The following SYNE1 variants were observed in gnomAD, a reference collection of about 807,000 sequenced individuals.
SYNE1 encodes nesprin-1.
A neutral mutation model predicts 1,111.0 loss-of-function variants in SYNE1; 616 were observed. The ratio of observed to expected loss-of-function variants is 0.55; its 90% CI spans 0.52 to 0.59. The LOEUF is 0.59. Among genes scored for constraint, SYNE1 ranks in the 20% least tolerant of loss-of-function variants. The pLI is 0.00. For synonymous variants in SYNE1, 3,855 were observed against 3,825.8 expected (o/e 1.01, Z -0.28); for missense variants, 10,006 against 10,417.0 (o/e 0.96, Z 1.72).
chr6:152,206,016 A>C, intron 126 of SYNE1, 152 bp downstream of exon 126: 2 of 910,244 alleles, frequency 2.2e-6, no homozygotes, highest in Non-Finnish European at 3.4e-6. Context: ...GTGCAAGATA[A>C]GACAAAGTCT....
rs775434617 is a variant in SYNE1 at position 152,278,151 on chromosome 6, T to C, written c.18511A>G (p.Arg6171Gly). Residue 6171 changes from arginine (R) to glycine (G), a missense_variant, in exon 98 of 146, where the codon AGG becomes GGG. Transcript: ENST00000367255. ...EAEQLAGKLRRLKGSLLELQR... is the reference protein window; with the variant it reads ...EAEQLAGKLRGLKGSLLELQR... ...AGCTCCAGCAGGCTCCCCTTGAGCCTTCTCAGCTTTCCAGCCAGCTGCTCG... is the reference window on the plus strand; with the variant it reads ...AGCTCCAGCAGGCTCCCCTTGAGCCCTCTCAGCTTTCCAGCCAGCTGCTCG... 3 of 1,614,158 alleles carry C rather than the reference T, an allele frequency of 1.9e-6. No individual in the cohort carries two copies. Among genetic ancestry groups the C allele is most frequent in the Non-Finnish European group, 2.5e-6 (3 of 1,180,050 alleles).
intron 102 of SYNE1, 31 bp from the exon 103 acceptor site, chr6:152,255,777 A>G: frequency 6.2e-7 from 1 of 1,613,578 alleles, no homozygotes. Flanking sequence ...TCAAATAATC[A>G]ATTTCAGTGT....
chr6:152,483,271 A>C (rs1429522892), intron 13 of SYNE1, 22 bp from the exon 14 acceptor site: 1 of 1,609,672 alleles, frequency 6.2e-7, no homozygotes, highest in Admixed American at 1.7e-5. Flanking sequence ...AAAGCAGAAA[A>C]GTAAAATATC....
At chr6:152,211,624 TTC>T in intron 123 of SYNE1, 36 bp from the exon 124 acceptor site, 4 of 1,566,970 alleles carry the variant, frequency 2.6e-6, no homozygotes, top group Non-Finnish European at 3.5e-6. Context: ...TACTTTAGAG[TTC>T]CTAATTTTAG....
chr6:152,145,986 C>A (rs1382581426), intron 137 of SYNE1: 1 of 208,778 alleles, frequency 4.8e-6, no homozygotes, highest in African/African-American at 2.6e-5. Context: ...GATTGTGCCA[C>A]TGCACTCCAG....
chr6:152,590,024 C>G (rs1024946863), intron 3 of SYNE1, among the ~76,000 whole-genome samples: 1 of 151,206 alleles, frequency 6.6e-6, no homozygotes, highest in Non-Finnish European at 1.5e-5. Context: ...AACCTCGAAC[C>G]CTAGGCTCAA....
intron 140 of SYNE1, among the ~76,000 whole-genome samples, chr6:152,139,711 GAAAGAA>G (rs2058025682): frequency 2.6e-5 from 1 of 38,742 alleles, no homozygotes; most frequent in Non-Finnish European, 4.6e-5. Flanking sequence ...AAAAAGAAAA[GAAAGAA>G]AAAGAAAGAA....
At chr6:152,262,399 T>C (rs1562595561) in intron 100 of SYNE1, among the ~76,000 whole-genome samples, 1 of 152,198 alleles carries the variant, frequency 6.6e-6, no homozygotes, top group Non-Finnish European at 1.5e-5. Context: ...GCAGAAGGGA[T>C]ACTTAAAAAT....
chr6:152,409,649 A>C lies in SYNE1; in HGVS notation c.6291T>G (p.Ala2097=). ...LMREYQNLKS[A]VSKVLENASS... ...TGGCATTTTCTAAGACTTTAGATACAGCTGATTTCAGGTTCTGATATTCTC... is the reference window on the plus strand; with the variant it reads ...TGGCATTTTCTAAGACTTTAGATACCGCTGATTTCAGGTTCTGATATTCTC... The change falls in exon 43 of 146, where the codon GCT becomes GCG. Residue 2097 remains alanine (A), a synonymous_variant. Transcript: ENST00000367255. 1.9e-6 allele frequency: 3 copies of C among 1,613,890 alleles called. No individual in the cohort carries two copies. The highest frequency in any genetic ancestry group is 1.1e-5 in the South Asian group (1 of 91,076).
intron 10 of SYNE1, among the ~76,000 whole-genome samples, chr6:152,500,983 A>G (rs894031335): frequency 1.3e-5 from 2 of 151,532 alleles, no homozygotes; most frequent in African/African-American, 4.8e-5. Context: ...CATATTTTAC[A>G]TTTTTTGGTT....
chr6:152,177,099 A>C (rs2066649088), intron 129 of SYNE1, among the ~76,000 whole-genome samples: 1 of 152,200 alleles, frequency 6.6e-6, no homozygotes, highest in South Asian at 2.1e-4. Flanking sequence ...TCCTCTATAC[A>C]ATGTCAATAT....
At chr6:152,310,630 G>T (rs2095518259) in intron 88 of SYNE1, 58 bp downstream of exon 88, 9 of 1,608,794 alleles carry the variant, frequency 5.6e-6, no homozygotes, top group South Asian at 4.4e-5. Context: ...TAGTGGCATT[G>T]CCATTTTCTT....
At position 152,233,890 on chromosome 6, in the gene SYNE1, C is replaced by T. The variant is rs757835316; in HGVS notation, c.20603G>A (p.Arg6868Gln). 4 of 1,614,104 alleles carry T rather than the reference C, an allele frequency of 2.5e-6. No individual in the cohort carries two copies. Among genetic ancestry groups the T allele is most frequent in the East Asian group, 2.2e-5 (1 of 44,866 alleles). ...CGTGGCTGTGTCCACCTTTTTTAGT[C>T]GAAGGAGCTGATTTCCAGTACTCAG... is the stretch of plus-strand genomic sequence containing the variant. ...SVLSTGNQLL[R>Q]LKKVDTATLR... Residue 6868 changes from arginine to glutamine, a missense_variant, in exon 112 of 146, where the codon CGA (arginine) becomes CAA (glutamine). This residue lies in a region of SYNE1 where 2,182 missense variants were observed against 2,287.8 expected (regional missense o/e 0.95). Transcript: ENST00000367255.
intron 121 of SYNE1, among the ~76,000 whole-genome samples, chr6:152,216,415 T>C (rs1024953018): frequency 6.6e-6 from 1 of 152,226 alleles, no homozygotes; most frequent in Non-Finnish European, 1.5e-5. Flanking sequence ...CTGGGGGGCC[T>C]GGTCCTGGAC....
chr6:152,346,987 TA>T (rs1446228511), intron 73 of SYNE1, 71 bp downstream of exon 73: 42 of 1,555,148 alleles, frequency 2.7e-5, no homozygotes, highest in Non-Finnish European at 5.2e-6. Flanking sequence ...ATTCTATTTG[TA>T]AAAAGTCTCT....
chr6:152,400,111 A>C (rs1347190818), intron 47 of SYNE1, among the ~76,000 whole-genome samples: 4 of 152,022 alleles, frequency 2.6e-5, no homozygotes, highest in Admixed American at 2.6e-4. Context: ...CCAGTCCATG[A>C]TCTTGGGTTT....
intron 20 of SYNE1, among the ~76,000 whole-genome samples, chr6:152,462,085 T>A (rs1338421359): frequency 1.7e-5 from 2 of 119,118 alleles, no homozygotes; most frequent in Non-Finnish European, 3.3e-5. Flanking sequence ...AAAATTAGAC[T>A]GGTTTTCGTT....
chr6:152,577,171 T>G (rs1435638827), intron 3 of SYNE1, among the ~76,000 whole-genome samples: 1 of 152,156 alleles, frequency 6.6e-6, no homozygotes, highest in Non-Finnish European at 1.5e-5. Flanking sequence ...AGAAAGAATC[T>G]TATTAGAAGT....
At chr6:152,139,852 G>T (rs2058169464) in intron 140 of SYNE1, 98 bp downstream of exon 140, 2 of 1,297,460 alleles carry the variant, frequency 1.5e-6, no homozygotes, top group Admixed American at 1.8e-5. Context: ...CTTTTCTGCT[G>T]CTGTGTAAGA....
Sources: allele counts gnomAD v4.1 joint callset (sites outside exome capture counted in the v4.1 genomes callset), GRCh38; gene constraint gnomAD v4.1.1; regional missense constraint gnomAD v4.1.1; transcripts MANE v1.5; gene names NCBI Gene and HGNC (gene_info 2026-07-23, HGNC 2026-07-21).